The following TMEFF1 variants were observed in gnomAD, a reference collection of about 807,000 sequenced individuals.
TMEFF1 encodes transmembrane protein with EGF like and two follistatin like domains 1.
A neutral mutation model predicts 47.5 loss-of-function variants in TMEFF1; 20 were observed. The observed-to-expected ratio is 0.42, with a 90% CI of 0.30 to 0.61. The LOEUF (loss-of-function observed/expected upper bound fraction) is 0.61. TMEFF1 is among the 20% of genes least tolerant of loss of function. TMEFF1 has a pLI of 0.19. For synonymous variants in TMEFF1, 162 were observed against 166.3 expected (o/e 0.97, Z 0.20); for missense variants, 411 against 471.1 (o/e 0.87, Z 1.18).
intron 1 of TMEFF1, among the ~76,000 whole-genome samples, chr9:100,496,951 A>G (rs1475819482): frequency 7.9e-5 from 12 of 152,164 alleles, no homozygotes; most frequent in Non-Finnish European, 1.3e-4. Context: ...TTGAGCAGAT[A>G]TTGTACATTC....
Position 100,484,696 on chromosome 9 carries a change from C to CTT in TMEFF1, c.196+10972_196+10973dup, listed in dbSNP as rs762790286. Among the ~76,000 whole-genome samples the CTT allele has an allele frequency of 1.1e-4, 15 of 138,606 alleles. No homozygotes were observed. In the South Asian group the frequency reaches 3.1e-3, roughly 29 times the overall value. 90.9% of individuals were successfully genotyped at this position (138,606 alleles called of 152,430 possible). On this transcript the variant is annotated intron_variant, in intron 1 of 9. Coordinates refer to ENST00000374879, the MANE Select transcript of TMEFF1 (RefSeq NM_003692.5). Reference sequence around the variant, plus strand: ...CCAGCCCTAGGCAACCACTGACGTACTTTTTTTTTTTTTTTTTGAAACAGT... The same window carrying CTT: ...CCAGCCCTAGGCAACCACTGACGTACTTTTTTTTTTTTTTTTTTTGAAACAGT...
Position 100,473,456 on chromosome 9 carries a change from C to A in TMEFF1, c.-89C>A. The A allele has an allele frequency of 9.4e-7, 1 of 1,068,296 alleles. No individual in the cohort carries two copies. Among genetic ancestry groups the A allele is most frequent in the Non-Finnish European group, 1.2e-6 (1 of 835,450 alleles). 66.2% of individuals were successfully genotyped at this position (1,068,296 alleles called of 1,614,324 possible). ...GCTCAGCGGCGCGGCTGCTAGGAGG[C>A]ACCGAGGCAGCGGCGGGGCTCTGGG... On this transcript the variant is annotated 5_prime_UTR_variant, in exon 1 of 10. Coordinates refer to ENST00000374879, the MANE Select transcript of TMEFF1 (RefSeq NM_003692.5). The surrounding 1 kb of genome is among the most constrained non-coding windows in gnomAD (Gnocchi z 5.4).
At chr9:100,547,623 T>C in intron 5 of TMEFF1, 121 bp from the exon 6 acceptor site, 1 of 1,219,814 alleles carries the variant, frequency 8.2e-7, no homozygotes, top group Non-Finnish European at 1.1e-6. Context: ...CATCAGTGAC[T>C]TAAAACAATA....
chr9:100,486,929 A>G (rs978227279), intron 1 of TMEFF1, among the ~76,000 whole-genome samples: 2 of 152,148 alleles, frequency 1.3e-5, no homozygotes, highest in Non-Finnish European at 2.9e-5. Flanking sequence ...GTGCCTGGCT[A>G]GGAATTTTTA....
chr9:100,536,722 G>A (rs1199793075), intron 5 of TMEFF1, among the ~76,000 whole-genome samples: 3 of 152,122 alleles, frequency 2.0e-5, no homozygotes, highest in Admixed American at 2.0e-4. Context: ...TGTGGTACCA[G>A]GGCTGAGCCT....
intron 8 of TMEFF1, among the ~76,000 whole-genome samples, chr9:100,571,513 G>A (rs1053463948): frequency 6.6e-6 from 1 of 152,066 alleles, no homozygotes; most frequent in Non-Finnish European, 1.5e-5. Context: ...TAATGCATAT[G>A]TTAATTAGCT....
At chr9:100,544,284 A>G (rs1389578246) in intron 5 of TMEFF1, among the ~76,000 whole-genome samples, 1 of 152,146 alleles carries the variant, frequency 6.6e-6, no homozygotes, top group Non-Finnish European at 1.5e-5. Flanking sequence ...TTTGCAAAAG[A>G]AAGGGTTTAA....
intron 5 of TMEFF1, among the ~76,000 whole-genome samples, chr9:100,521,206 C>T (rs1162010722): frequency 1.3e-5 from 2 of 152,226 alleles, no homozygotes; most frequent in African/African-American, 2.4e-5. Flanking sequence ...CTTGTCTGCT[C>T]AATGGCTATT....
At chr9:100,542,515 A>C (rs10465119) in intron 5 of TMEFF1, among the ~76,000 whole-genome samples, 6,691 of 152,186 alleles carry the variant, frequency 0.044, 328 homozygotes, top group South Asian at 0.22. Context: ...TTTTACCCTT[A>C]TTCTCAAAAG....
chr9:100,526,569 T>C (rs960143477), intron 5 of TMEFF1, among the ~76,000 whole-genome samples: 2 of 152,188 alleles, frequency 1.3e-5, no homozygotes, highest in Non-Finnish European at 2.9e-5. Flanking sequence ...TACTCATTTT[T>C]AGAGCACTTT....
At chr9:100,572,703 C>A in intron 9 of TMEFF1, 27 bp downstream of exon 9, 1 of 1,578,084 alleles carries the variant, frequency 6.3e-7, no homozygotes, top group South Asian at 1.2e-5. Flanking sequence ...GAAATATCAA[C>A]TTTAAATTAG....
At chr9:100,576,095 A>G (rs1217815200) in intron 9 of TMEFF1, among the ~76,000 whole-genome samples, 3 of 152,074 alleles carry the variant, frequency 2.0e-5, no homozygotes, top group African/African-American at 7.2e-5. Flanking sequence ...TCTTCTTGTC[A>G]TTTTAGAGCT....
At chr9:100,489,588 T>C (rs1202727023) in intron 1 of TMEFF1, among the ~76,000 whole-genome samples, 1 of 152,098 alleles carries the variant, frequency 6.6e-6, no homozygotes, top group Non-Finnish European at 1.5e-5. Flanking sequence ...TTCAGAAAAA[T>C]ACAGAATAAT....
chr9:100,518,824 A>T (rs1201448417), intron 5 of TMEFF1, among the ~76,000 whole-genome samples: 2 of 152,022 alleles, frequency 1.3e-5, no homozygotes, highest in Admixed American at 1.3e-4. Context: ...AGCACCTTCC[A>T]TGTGTTTTTC....
intron 8 of TMEFF1, among the ~76,000 whole-genome samples, chr9:100,564,867 C>CATTA (rs1047497418): frequency 6.6e-6 from 1 of 152,088 alleles, no homozygotes; most frequent in African/African-American, 2.4e-5. Context: ...GCAGAGAGAT[C>CATTA]ATTAGGTGGT....
intron 1 of TMEFF1, among the ~76,000 whole-genome samples, chr9:100,477,418 T>C (rs1356359689): frequency 6.6e-6 from 1 of 152,192 alleles, no homozygotes; most frequent in Non-Finnish European, 1.5e-5. Flanking sequence ...GTTATGTGTA[T>C]ATATCATCCT....
intron 5 of TMEFF1, among the ~76,000 whole-genome samples, chr9:100,545,710 T>C (rs539930397): frequency 2.3e-4 from 35 of 152,240 alleles, no homozygotes; most frequent in Admixed American, 3.9e-4. Flanking sequence ...CGAACTTTTG[T>C]GCTTTGCTTC....
intron 1 of TMEFF1, among the ~76,000 whole-genome samples, chr9:100,490,304 A>G (rs1289294305): frequency 6.6e-6 from 1 of 152,228 alleles, no homozygotes; most frequent in Non-Finnish European, 1.5e-5. Context: ...TTATACTAGA[A>G]GATAACTAAT....
chr9:100,509,055 A>C lies in TMEFF1; in HGVS notation c.357A>C (p.Gln119His), dbSNP rs1207046568. ...GTGGATCAAATGGGGACACTTATCA[A>C]AATGAATGCTTTCTCAGAAGGGCTG... ...PVCGSNGDTY[Q>H]NECFLRRAAC... is the part of the protein sequence containing the mutation. The change falls in exon 3 of 10, where the codon CAA (glutamine) becomes CAC (histidine). Residue 119 changes from glutamine to histidine, a missense_variant. Coordinates refer to ENST00000374879, the MANE Select transcript of TMEFF1 (RefSeq NM_003692.5). 6.2e-7 allele frequency: 1 copy of C among 1,604,860 alleles called. No individual in the cohort carries two copies. The highest frequency in any genetic ancestry group is 1.3e-5 in the African/African-American group (1 of 74,564).
Sources: gnomAD v4.1 joint callset for allele counts (sites outside exome capture counted in the v4.1 genomes callset) on GRCh38, gnomAD v4.1.1 for gene constraint, Gnocchi (gnomAD v3.1) non-coding constraint, MANE v1.5 for transcripts, NCBI Gene and HGNC (gene_info 2026-07-23, HGNC 2026-07-21) for gene names.